Variants in TPX2 observed in about 807,000 individuals in gnomAD.
TPX2 encodes the protein targeting protein for Xklp2.
TPX2 carries 21 observed loss-of-function variants against 93.6 expected under a neutral mutation model. That is an observed-to-expected ratio of 0.22 (90% CI 0.16 to 0.32). The LOEUF is 0.32. Among genes scored for constraint, TPX2 ranks in the 10% least tolerant of loss-of-function variants. The probability of loss-of-function intolerance (pLI) is 1.00; values close to 1 mark genes in which losing one functional copy is unlikely to be tolerated. For synonymous variants in TPX2, 281 were observed against 298.3 expected (o/e 0.94, Z 0.60); for missense variants, 776 against 871.1 (o/e 0.89, Z 1.37).
chr20:31,768,187 G>T (rs1159102680), intron 5 of TPX2, among the ~76,000 whole-genome samples: 1 of 151,276 alleles, frequency 6.6e-6, no homozygotes, highest in East Asian at 2.0e-4. Flanking sequence ...GCCCACCTAT[G>T]CCTCCTAGAG....
chr20:31,787,917 T>C (rs1249607689), intron 12 of TPX2, among the ~76,000 whole-genome samples: 2 of 152,166 alleles, frequency 1.3e-5, no homozygotes, highest in East Asian at 3.9e-4. Context: ...GGTGAAGAAC[T>C]TGGGGCCCCC....
chr20:31,792,307 C>T (rs762556021), intron 12 of TPX2, among the ~76,000 whole-genome samples: 10 of 151,850 alleles, frequency 6.6e-5, no homozygotes, highest in Non-Finnish European at 1.0e-4. Context: ...TACAGTGAGC[C>T]GAGATTGCCC....
rs893717757 is a variant in TPX2, at chr20:31,785,199, T to C, written c.1413+1278T>C. Among the ~76,000 whole-genome samples the C allele has an allele frequency of 5.6e-4, 85 of 152,206 alleles. 2 individuals carry two copies. The highest frequency in any genetic ancestry group is 1.0e-4 in the Non-Finnish European group (7 of 68,042). On this transcript the variant is annotated intron_variant, in intron 12 of 17. Transcript: ENST00000300403. ...GACTTCTGTTCACGATGCTTTTTTT[T>C]CCCTGCCATGATGCATATGTACTAT...
At chr20:31,771,842 T>A (rs187645967) in intron 7 of TPX2, among the ~76,000 whole-genome samples, 160 bp downstream of exon 7, 90 of 152,188 alleles carry the variant, frequency 5.9e-4, no homozygotes, top group African/African-American at 2.0e-3. Flanking sequence ...CTCAGATTTT[T>A]AAATTTTTAT....
chr20:31,771,781 C>T (rs1398787683), intron 7 of TPX2, 99 bp downstream of exon 7: 2 of 1,410,322 alleles, frequency 1.4e-6, no homozygotes, highest in South Asian at 2.9e-5. Context: ...TGGCAAACTC[C>T]TGAAGCTTTG....
intron 17 of TPX2, among the ~76,000 whole-genome samples, chr20:31,799,170 T>C (rs1429748359): frequency 6.6e-6 from 1 of 152,224 alleles, no homozygotes; most frequent in Non-Finnish European, 1.5e-5. Flanking sequence ...ATGTTGGTTA[T>C]CCAAAAAGAA....
chr20:31,796,925 A>T (rs1248673545), intron 15 of TPX2, among the ~76,000 whole-genome samples: 2 of 151,988 alleles, frequency 1.3e-5, no homozygotes, highest in Admixed American at 1.3e-4. Context: ...TATAATGTGT[A>T]ATGATCTGAT....
At chr20:31,750,606 C>T (rs1048188255) in intron 2 of TPX2, among the ~76,000 whole-genome samples, 6 of 152,184 alleles carry the variant, frequency 3.9e-5, no homozygotes, top group Admixed American at 3.9e-4. Flanking sequence ...GCTGGGATTA[C>T]AGGCATGTGC....
intron 1 of TPX2, among the ~76,000 whole-genome samples, chr20:31,741,334 C>T (rs530911374): frequency 3.8e-4 from 55 of 143,082 alleles, no homozygotes; most frequent in Admixed American, 3.6e-3. Flanking sequence ...TTTTTTGAGA[C>T]GGAGTCTCAC....
At chr20:31,751,592 G>T (rs2061820026) in intron 2 of TPX2, among the ~76,000 whole-genome samples, 1 of 152,166 alleles carries the variant, frequency 6.6e-6, no homozygotes, top group African/African-American at 2.4e-5. Context: ...CTTCTTATTT[G>T]ATTATGGTAA....
chr20:31,797,564 C>T (rs1407937757), intron 16 of TPX2, 49 bp downstream of exon 16: 1 of 1,514,214 alleles, frequency 6.6e-7, no homozygotes, highest in Non-Finnish European at 9.1e-7. Flanking sequence ...TGTCAGACTT[C>T]CCAGTGGGAT....
At chr20:31,799,271 C>G (rs1333473678) in intron 17 of TPX2, among the ~76,000 whole-genome samples, 1 of 152,202 alleles carries the variant, frequency 6.6e-6, no homozygotes, top group East Asian at 1.9e-4. Flanking sequence ...TTAGATGGAA[C>G]TTCGTATGAT....
chr20:31,760,088 G>A lies in TPX2; in HGVS notation c.138G>A (p.Leu46=). 1 of 1,613,756 alleles carries A rather than the reference G, an allele frequency of 6.2e-7. No individual in the cohort carries two copies. The highest frequency in any genetic ancestry group is 1.7e-5 in the Admixed American group (1 of 59,964). Reference sequence around the variant, plus strand: ...AGGCCAATTTGGAGAATAAGTTACTGGGGAAGAATGGAACTGGAGGGCTTT... The same window carrying A: ...AGGCCAATTTGGAGAATAAGTTACTAGGGAAGAATGGAACTGGAGGGCTTT... ...EEKANLENKL[L]GKNGTGGLFQ... is the part of the protein sequence containing the mutation. Residue 46 remains leucine, a synonymous_variant, in exon 4 of 18, where the codon CTG becomes CTA. Transcript: ENST00000300403.
intron 15 of TPX2, among the ~76,000 whole-genome samples, chr20:31,795,647 A>G (rs1451287491): frequency 3.3e-5 from 5 of 152,230 alleles, no homozygotes; most frequent in Admixed American, 6.5e-5. Flanking sequence ...TATTCCATCT[A>G]TTAGACTCAT....
At chr20:31,758,063 A>G (rs1291872699) in intron 3 of TPX2, among the ~76,000 whole-genome samples, 2 of 151,202 alleles carry the variant, frequency 1.3e-5, no homozygotes, top group Non-Finnish European at 2.9e-5. Context: ...CTACCATCAC[A>G]GTCAAGATCT....
At chr20:31,747,473 T>C (rs180902630) in intron 2 of TPX2, among the ~76,000 whole-genome samples, 1 of 152,288 alleles carries the variant, frequency 6.6e-6, no homozygotes, top group African/African-American at 2.4e-5. Flanking sequence ...TATCTATCTA[T>C]CTATCTATCG....
intron 2 of TPX2, among the ~76,000 whole-genome samples, chr20:31,754,246 A>G (rs962733387): frequency 2.6e-5 from 4 of 151,828 alleles, no homozygotes; most frequent in African/African-American, 9.7e-5. Flanking sequence ...ACCCCAGGCT[A>G]ATTTTTGTAT....
At chr20:31,740,291 T>G (rs1600345447) in intron 1 of TPX2, among the ~76,000 whole-genome samples, 2 of 152,232 alleles carry the variant, frequency 1.3e-5, no homozygotes, top group Non-Finnish European at 2.9e-5. Context: ...CAGCTCTTGG[T>G]TTACTTCCTG....
chr20:31,778,704 G>A, intron 9 of TPX2, 109 bp from the exon 10 acceptor site: 1 of 976,688 alleles, frequency 1.0e-6, no homozygotes, highest in Middle Eastern at 2.2e-4. Flanking sequence ...TAATAATCTT[G>A]GTTTTACACA....
Sources: gnomAD v4.1 joint callset for allele counts (sites outside exome capture counted in the v4.1 genomes callset) on GRCh38, gnomAD v4.1.1 for gene constraint, MANE v1.5 for transcripts, NCBI Gene and HGNC (gene_info 2026-07-23, HGNC 2026-07-21) for gene names.